TMIGD3: variants seen among roughly 807,000 people sequenced by gnomAD.
The protein encoded by TMIGD3 is AD026 protein (AD026).
A neutral mutation model predicts 28.1 loss-of-function variants in TMIGD3; 21 were observed. The ratio of observed to expected loss-of-function variants is 0.75; its 90% CI spans 0.53 to 1.08. TMIGD3 has a LOEUF of 1.08. Among genes scored for constraint, TMIGD3 ranks in the 50% least tolerant of loss-of-function variants. The pLI is 0.00. For synonymous variants in TMIGD3, 151 were observed against 162.1 expected, an observed-to-expected ratio of 0.93 and a Z score of 0.52; for missense variants, 416 against 435.6, an observed-to-expected ratio of 0.96 and a Z score of 0.40.
At chr1:111,505,032 C>T (rs955836180), upstream of TMIGD3, 1 of 984,380 alleles carries the variant, frequency 1.0e-6, no homozygotes, top group African/African-American at 1.8e-5. Context: ...TCCAATGTGT[C>T]CCTCATAAAT....
intron 1 of TMIGD3, among the ~76,000 whole-genome samples, chr1:111,554,014 T>G (rs572000100): frequency 2.0e-4 from 31 of 152,346 alleles, no homozygotes; most frequent in African/African-American, 7.2e-4. Flanking sequence ...AAAGCAGAAA[T>G]GGAATGTGAC....
chr1:111,532,062 T>C (rs1656475895), intron 1 of TMIGD3, among the ~76,000 whole-genome samples: 1 of 152,120 alleles, frequency 6.6e-6, no homozygotes, highest in Admixed American at 6.6e-5. Context: ...AGGTTTTCAC[T>C]CTGGCTGGGA....
At chr1:111,555,445 T>C (rs1056487239) in intron 1 of TMIGD3, among the ~76,000 whole-genome samples, 10 of 147,446 alleles carry the variant, frequency 6.8e-5, no homozygotes, top group Non-Finnish European at 1.3e-4. Flanking sequence ...AAATTTTTAA[T>C]GTAATAATTA....
chr1:111,484,029 T>C (rs1276561281), intron 5 of TMIGD3, among the ~76,000 whole-genome samples: 1 of 152,168 alleles, frequency 6.6e-6, no homozygotes, highest in African/African-American at 2.4e-5. Flanking sequence ...GGAGCCTTGG[T>C]TCAGGCTGCC....
chr1:111,528,957 AACAG>A (rs1011537972), intron 1 of TMIGD3, among the ~76,000 whole-genome samples: 8 of 151,978 alleles, frequency 5.3e-5, no homozygotes, highest in Non-Finnish European at 8.8e-5. Context: ...CATTTGCAAA[AACAG>A]ACAGTTTCGT....
chr1:111,489,675 G>A (rs1654564035), intron 2 of TMIGD3: 1 of 1,138,846 alleles, frequency 8.8e-7, no homozygotes, highest in Middle Eastern at 2.5e-4. Flanking sequence ...CCGTTAGGAG[G>A]CCCTCTGTCC....
chr1:111,550,438 T>C (rs1657214663), intron 1 of TMIGD3, among the ~76,000 whole-genome samples: 1 of 152,192 alleles, frequency 6.6e-6, no homozygotes, highest in Non-Finnish European at 1.5e-5. Context: ...TTTGAGATCT[T>C]TCTTCTTTTT....
At chr1:111,511,160 C>G (rs914852022) in intron 1 of TMIGD3, among the ~76,000 whole-genome samples, 8 of 152,200 alleles carry the variant, frequency 5.3e-5, no homozygotes, top group Non-Finnish European at 1.0e-4. Context: ...TTTACACATT[C>G]CTCTCTTGGA....
chr1:111,485,861 T>A (rs1259149146), intron 4 of TMIGD3, 21 bp from the exon 5 acceptor site: 1 of 1,580,700 alleles, frequency 6.3e-7, no homozygotes, highest in Non-Finnish European at 8.6e-7. Context: ...CCACAGCAGA[T>A]TTCATGTTGC....
Position 111,523,736 on chromosome 1 carries a change from T to G in TMIGD3, c.108-32974A>C, listed in dbSNP as rs940826590. 1.2e-4 allele frequency among the ~76,000 whole-genome samples: 18 copies of G among 152,224 alleles called. No individual in the cohort carries two copies. The East Asian group carries it at 3.5e-3, about 29-fold the overall frequency. On this transcript the variant is annotated intron_variant, in intron 1 of 5. Transcript: ENST00000369717. ...TCCATGTTATCTAAATTGTTGAATT[T>G]CTTGGCATAAAATTGTAAATAATAT... is the stretch of plus-strand genomic sequence containing the variant.
chr1:111,501,895 A>G (rs1186520083), intron 1 of TMIGD3, among the ~76,000 whole-genome samples: 1 of 151,412 alleles, frequency 6.6e-6, no homozygotes, highest in Non-Finnish European at 1.5e-5. Flanking sequence ...GGGGAAGTAG[A>G]TTTCTCCATT....
At chr1:111,536,256 A>T (rs756421309) in intron 1 of TMIGD3, among the ~76,000 whole-genome samples, 1 of 151,994 alleles carries the variant, frequency 6.6e-6, no homozygotes, top group Non-Finnish European at 1.5e-5. Context: ...GGAGAAAAAA[A>T]ACACTGATAT....
intron 1 of TMIGD3, among the ~76,000 whole-genome samples, chr1:111,535,793 A>G: frequency 6.6e-6 from 1 of 152,226 alleles, no homozygotes; most frequent in East Asian, 1.9e-4. Flanking sequence ...GATGTCTCCA[A>G]CAGAGAACAA....
intron 1 of TMIGD3, among the ~76,000 whole-genome samples, chr1:111,522,038 G>C (rs1157342317): frequency 1.3e-5 from 2 of 152,130 alleles, no homozygotes; most frequent in African/African-American, 2.4e-5. Flanking sequence ...AGTTGTTTTG[G>C]CACCTTTCTT....
chr1:111,483,997 G>A (rs938973620), intron 5 of TMIGD3, among the ~76,000 whole-genome samples: 1 of 152,206 alleles, frequency 6.6e-6, no homozygotes, highest in African/African-American at 2.4e-5. Context: ...AACTTCTTCA[G>A]AGCCCAAGAA....
chr1:111,563,720 C>T lies in TMIGD3; in HGVS notation c.107+126G>A, dbSNP rs1591711. 0.57 allele frequency: 395,692 copies of T among 694,016 alleles called. 113,967 individuals carry two copies. Among genetic ancestry groups the T allele is most frequent in the South Asian group, 0.6 (36,257 of 60,508 alleles). 43.0% of individuals were successfully genotyped at this position (694,016 alleles called of 1,614,324 possible). On this transcript the variant is annotated intron_variant, in intron 1 of 5. Transcript: ENST00000369717. ...GAATACAAATTATCTCTATTTTACA[C>T]GCTAGGACAAAGCATTGATTAAGTA...
chr1:111,487,494 G>A (rs539320734), intron 3 of TMIGD3, among the ~76,000 whole-genome samples: 1 of 151,898 alleles, frequency 6.6e-6, no homozygotes, highest in East Asian at 1.9e-4. Flanking sequence ...CAACAAGAAG[G>A]CACAGGGGAA....
At chr1:111,496,769 T>C (rs1475455526) in intron 1 of TMIGD3, among the ~76,000 whole-genome samples, 1 of 152,236 alleles carries the variant, frequency 6.6e-6, no homozygotes, top group Admixed American at 6.5e-5. Context: ...CCCACTCTTC[T>C]GCCTACCTTT....
intron 1 of TMIGD3, chr1:111,542,241 A>G (rs1417201800): frequency 6.6e-6 from 4 of 609,568 alleles, no homozygotes; most frequent in African/African-American, 3.7e-5. Context: ...TGACGGAAAC[A>G]CTGGCGGCAC....
Sources: gnomAD v4.1 joint callset for allele counts (sites outside exome capture counted in the v4.1 genomes callset) on GRCh38, gnomAD v4.1.1 for gene constraint, MANE v1.5 for transcripts, NCBI Gene and HGNC (gene_info 2026-07-23, HGNC 2026-07-21) for gene names.